The following GPC5 variants were observed in gnomAD, a reference collection of about 807,000 sequenced individuals.
GPC5 encodes the protein glypican-5.
Under a neutral mutation model 53.9 loss-of-function variants are expected in GPC5, and 47 were observed. The observed-to-expected ratio is 0.87, with a 90% CI of 0.69 to 1.11. The LOEUF is 1.11. Among genes scored for constraint, GPC5 ranks in the 50% most tolerant of loss-of-function variants. The pLI, the probability that GPC5 is intolerant of heterozygous loss-of-function variation, is 0.00. For missense variants in GPC5, 748 were observed against 713.1 expected (o/e 1.05, Z -0.56); for synonymous variants, 286 against 263.3 (o/e 1.09, Z -0.84).
At chr13:92,680,431 A>G (rs1887077086) in intron 7 of GPC5, among the ~76,000 whole-genome samples, 1 of 152,212 alleles carries the variant, frequency 6.6e-6, no homozygotes, top group Non-Finnish European at 1.5e-5. Flanking sequence ...TTATAGTTAT[A>G]CATAGATGTT....
At chr13:91,566,600 A>G (rs1274247835) in intron 2 of GPC5, among the ~76,000 whole-genome samples, 9 of 152,102 alleles carry the variant, frequency 5.9e-5, no homozygotes, top group Admixed American at 3.9e-4. Flanking sequence ...TATTTCCCAG[A>G]TATCTGATTG....
At chr13:92,649,806 A>G (rs529647606) in intron 7 of GPC5, among the ~76,000 whole-genome samples, 3 of 152,206 alleles carry the variant, frequency 2.0e-5, no homozygotes, top group East Asian at 1.9e-4. Context: ...AAAATAGTTT[A>G]TTACTCTTAA....
chr13:92,551,630 T>G (rs1882320225), intron 7 of GPC5, among the ~76,000 whole-genome samples: 1 of 151,902 alleles, frequency 6.6e-6, no homozygotes, highest in African/African-American at 2.4e-5. Context: ...TGGCAGAGCA[T>G]GAAAATTGCT....
At chr13:91,678,499 A>G (rs1366918897) in intron 2 of GPC5, among the ~76,000 whole-genome samples, 1 of 152,236 alleles carries the variant, frequency 6.6e-6, no homozygotes, top group African/African-American at 2.4e-5. Context: ...CCCAAGAACC[A>G]TGAAATGAAG....
At chr13:91,917,811 T>C (rs529026899) in intron 6 of GPC5, among the ~76,000 whole-genome samples, 15 of 152,308 alleles carry the variant, frequency 9.8e-5, no homozygotes, top group Non-Finnish European at 1.9e-4. Context: ...TCACTATCAG[T>C]ATTTTGGTCA....
chr13:92,528,318 C>T (rs902131324), intron 7 of GPC5, among the ~76,000 whole-genome samples: 1 of 152,094 alleles, frequency 6.6e-6, no homozygotes, highest in Non-Finnish European at 1.5e-5. Context: ...TTTGGCCATG[C>T]AGGTCCTTTT....
intron 7 of GPC5, among the ~76,000 whole-genome samples, chr13:92,379,784 A>G (rs1322655392): frequency 6.6e-6 from 1 of 151,952 alleles, no homozygotes; most frequent in Non-Finnish European, 1.5e-5. Flanking sequence ...GTGTCCTCAA[A>G]TGTTGCCTCT....
intron 7 of GPC5, among the ~76,000 whole-genome samples, chr13:92,854,505 G>T (rs1878931077): frequency 6.6e-6 from 1 of 151,392 alleles, no homozygotes; most frequent in Non-Finnish European, 1.5e-5. Context: ...AAAAATATCA[G>T]CGATTTTACT....
At chr13:92,188,171 ATATT>A (rs1170086763) in intron 7 of GPC5, among the ~76,000 whole-genome samples, 1 of 152,176 alleles carries the variant, frequency 6.6e-6, no homozygotes. Flanking sequence ...TGCATATGTA[ATATT>A]TAAACACCTG....
intron 7 of GPC5, among the ~76,000 whole-genome samples, chr13:92,629,799 CA>C (rs935452105): frequency 4.0e-5 from 6 of 150,056 alleles, no homozygotes; most frequent in African/African-American, 9.8e-5. Flanking sequence ...GTCATGAGTA[CA>C]AAAAAAAATC....
At chr13:91,899,497 C>T (rs1325099024) in intron 5 of GPC5, among the ~76,000 whole-genome samples, 2 of 152,082 alleles carry the variant, frequency 1.3e-5, no homozygotes, top group Admixed American at 6.6e-5. Context: ...TATCTGTTTT[C>T]ATTCAGGTAG....
intron 5 of GPC5, among the ~76,000 whole-genome samples, chr13:91,865,071 C>A (rs957076906): frequency 2.6e-5 from 4 of 151,746 alleles, no homozygotes; most frequent in African/African-American, 7.3e-5. Context: ...GACACCACAC[C>A]CGGCTAATTT....
At chr13:91,483,765 A>G (rs1883433245) in intron 2 of GPC5, among the ~76,000 whole-genome samples, 2 of 152,362 alleles carry the variant, frequency 1.3e-5, no homozygotes, top group Middle Eastern at 3.4e-3. Context: ...ATAGGTTCTT[A>G]GAAACTCCAA....
chr13:92,291,600 A>T (rs1472692186), intron 7 of GPC5, among the ~76,000 whole-genome samples: 4 of 152,190 alleles, frequency 2.6e-5, no homozygotes, highest in Non-Finnish European at 5.9e-5. Flanking sequence ...GTGGGGCCAA[A>T]TAAGAGACTA....
At chr13:92,818,097 C>T (rs1014957861) in intron 7 of GPC5, among the ~76,000 whole-genome samples, 5 of 150,796 alleles carry the variant, frequency 3.3e-5, no homozygotes, top group Non-Finnish European at 7.4e-5. Flanking sequence ...ACTGCAGCCT[C>T]TGCCTTCTGG....
intron 5 of GPC5, among the ~76,000 whole-genome samples, chr13:91,771,437 A>G (rs1054675826): frequency 6.6e-6 from 1 of 152,210 alleles, no homozygotes; most frequent in Admixed American, 6.5e-5. Flanking sequence ...CCTTTGAATC[A>G]TCTATTTCAT....
At chr13:92,264,900 G>C (rs930994964) in intron 7 of GPC5, among the ~76,000 whole-genome samples, 10 of 150,038 alleles carry the variant, frequency 6.7e-5, no homozygotes, top group African/African-American at 2.5e-4. Flanking sequence ...GTGTGTGTGT[G>C]TGTGTGTGTG....
intron 5 of GPC5, among the ~76,000 whole-genome samples, chr13:91,782,143 C>T (rs73615684): frequency 0.021 from 3,251 of 152,272 alleles, 112 homozygotes; most frequent in African/African-American, 0.073. Flanking sequence ...GAAGCTCTTT[C>T]GGCTGTTTCT....
intron 7 of GPC5, among the ~76,000 whole-genome samples, chr13:92,463,947 A>G (rs546646557): frequency 2.0e-5 from 3 of 152,148 alleles, no homozygotes; most frequent in African/African-American, 7.2e-5. Flanking sequence ...TCTTATTTTT[A>G]TTATTTTTGT....
Sources: gnomAD v4.1 joint callset for allele counts (sites outside exome capture counted in the v4.1 genomes callset) on GRCh38, gnomAD v4.1.1 for gene constraint, MANE v1.5 for transcripts, NCBI Gene and HGNC (gene_info 2026-07-23, HGNC 2026-07-21) for gene names.